Variants in GATAD2A observed in about 807,000 individuals in gnomAD.
The protein encoded by GATAD2A is GATA zinc finger domain containing 2A, also known as transcriptional repressor p66-alpha.
GATAD2A carries 12 observed loss-of-function variants against 68.5 expected under a neutral mutation model. The ratio of observed to expected loss-of-function variants is 0.18; its 90% CI spans 0.11 to 0.28. The LOEUF (loss-of-function observed/expected upper bound fraction) is 0.28, where lower values mean the gene tolerates loss of function less well. GATAD2A is among the 10% of genes least tolerant of loss of function. GATAD2A has a pLI of 1.00. For synonymous variants in GATAD2A, 410 were observed against 375.3 expected (o/e 1.09, Z -1.07); for missense variants, 755 against 868.5 (o/e 0.87, Z 1.64).
intron 1 of GATAD2A, among the ~76,000 whole-genome samples, chr19:19,455,346 C>A (rs1277111582): frequency 6.6e-6 from 1 of 152,032 alleles, no homozygotes; most frequent in Non-Finnish European, 1.5e-5. Flanking sequence ...AAAAGTTAGC[C>A]AGGCGTGGTG....
Position 19,494,352 on chromosome 19 carries a change from A to G in GATAD2A, c.593A>G (p.Gln198Arg). Residue 198 changes from glutamine to arginine, a missense_variant, in exon 5 of 12, where the codon CAG becomes CGG. Physicochemically the swap from Gln to Arg is conservative, Grantham distance 43 (BLOSUM62 1). Transcript: ENST00000683918. ...CCTCCCCCGCTTGTTCGGGGCACTCAGAACATTCCTGCTGGCAAGCCATCA... is the reference window on the plus strand; with the variant it reads ...CCTCCCCCGCTTGTTCGGGGCACTCGGAACATTCCTGCTGGCAAGCCATCA... ...TTPPPLVRGT[Q>R]NIPAGKPSLQ... 1 of 1,612,104 alleles carries G rather than the reference A, an allele frequency of 6.2e-7. No homozygotes were observed.
intron 2 of GATAD2A, among the ~76,000 whole-genome samples, chr19:19,469,442 A>AAAAAAAG (rs1327169230): frequency 1.3e-5 from 2 of 150,396 alleles, no homozygotes; most frequent in Non-Finnish European, 1.5e-5. Context: ...AAAAAAAAAG[A>AAAAAAAG]AAAAAAGATC....
At chr19:19,499,454 G>A (rs1215126511) in intron 8 of GATAD2A, among the ~76,000 whole-genome samples, 1 of 152,200 alleles carries the variant, frequency 6.6e-6, no homozygotes, top group Non-Finnish European at 1.5e-5. Flanking sequence ...CAGGGCAGGG[G>A]CAGGGCCTGG....
chr19:19,492,755 C>T, intron 4 of GATAD2A, 43 bp downstream of exon 4: 1 of 1,605,710 alleles, frequency 6.2e-7, no homozygotes, highest in Non-Finnish European at 8.5e-7. Context: ...GCAGGAGCGC[C>T]TGGCCTTGCC....
At chr19:19,386,850 A>C (rs1010043329) in intron 1 of GATAD2A, among the ~76,000 whole-genome samples, 4 of 151,806 alleles carry the variant, frequency 2.6e-5, no homozygotes, top group Non-Finnish European at 5.9e-5. Context: ...CAACTCTTTG[A>C]GAATTCCCGC....
chr19:19,505,141 A>C (rs2060802073), intron 11 of GATAD2A, among the ~76,000 whole-genome samples: 3 of 152,088 alleles, frequency 2.0e-5, no homozygotes, highest in Admixed American at 1.3e-4. Context: ...TGTCAAGGCC[A>C]TTGAGTTGCT....
At chr19:19,449,205 C>A (rs1020430237) in intron 1 of GATAD2A, among the ~76,000 whole-genome samples, 2 of 152,142 alleles carry the variant, frequency 1.3e-5, no homozygotes, top group African/African-American at 4.8e-5. Flanking sequence ...GGTGGGCACA[C>A]CATGGGAGGG....
At chr19:19,501,517 G>A (rs1346581941) in intron 9 of GATAD2A, 101 bp downstream of exon 9, 4 of 923,402 alleles carry the variant, frequency 4.3e-6, no homozygotes, top group Admixed American at 2.9e-5. Context: ...TTAACTGCAC[G>A]TCTAAATTGC....
chr19:19,478,281 C>G (rs891943440), intron 2 of GATAD2A, among the ~76,000 whole-genome samples: 6 of 152,120 alleles, frequency 3.9e-5, no homozygotes, highest in African/African-American at 1.2e-4. Flanking sequence ...TGGGATATGT[C>G]TGTTGACATT....
Position 19,496,108 on chromosome 19 carries a change from C to T in GATAD2A, c.813C>T (p.Ala271=). The T allele has an allele frequency of 6.2e-7, 1 of 1,613,654 alleles. No individual in the cohort carries two copies. Among genetic ancestry groups the T allele is most frequent in the Non-Finnish European group, 8.5e-7 (1 of 1,179,806 alleles). ...CAGGGCCACCGCCCCTCCTCCTGGC[C>T]CCCCGGGCGTCGGTGCCCAGTGTGC... ...SSTGPPPLLL[A]PRASVPSVQI... Residue 271 remains alanine, a synonymous_variant, in exon 7 of 12, where the codon GCC becomes GCT. Coordinates refer to ENST00000683918, the MANE Select transcript of GATAD2A (RefSeq NM_001384528.1).
chr19:19,387,300 C>G (rs1168839290), intron 1 of GATAD2A, among the ~76,000 whole-genome samples: 18 of 150,446 alleles, frequency 1.2e-4, no homozygotes, highest in Non-Finnish European at 3.0e-5. Context: ...CAGCTGTGGT[C>G]CTACTTTTCT....
At chr19:19,502,583 CCTTAACCGAA>C in intron 11 of GATAD2A, 57 bp downstream of exon 11, 1 of 1,355,710 alleles carries the variant, frequency 7.4e-7, no homozygotes, top group Non-Finnish European at 1.0e-6. Flanking sequence ...GTTCACCCTT[CCTTAACCGAA>C]ACAGAGGCAC....
chr19:19,412,131 CTCTT>C (rs935264323), intron 1 of GATAD2A, among the ~76,000 whole-genome samples: 6 of 150,514 alleles, frequency 4.0e-5, no homozygotes, highest in African/African-American at 1.5e-4. Flanking sequence ...TTTTTTCTCT[CTCTT>C]TTTTTTTAAT....
intron 1 of GATAD2A, among the ~76,000 whole-genome samples, chr19:19,390,307 A>G (rs1442697758): frequency 6.6e-6 from 1 of 152,030 alleles, no homozygotes; most frequent in Non-Finnish European, 1.5e-5. Context: ...GAATGAATGA[A>G]TCCGAGATGA....
chr19:19,456,743 G>C (rs2056974125), intron 1 of GATAD2A, among the ~76,000 whole-genome samples: 1 of 152,162 alleles, frequency 6.6e-6, no homozygotes, highest in Admixed American at 6.5e-5. Flanking sequence ...GGACCTCTTG[G>C]TGTGAGAGGG....
At position 19,501,257 on chromosome 19, in the gene GATAD2A, G is replaced by A. The variant is rs561879323; in HGVS notation, c.1344G>A (p.Lys448=). 1 of 1,613,444 alleles carries A rather than the reference G, an allele frequency of 6.2e-7. No homozygotes were observed. The highest frequency in any genetic ancestry group is 1.7e-5 in the Admixed American group (1 of 60,028). Residue 448 remains lysine (K), a synonymous_variant, in exon 9 of 12, where the codon AAG becomes AAA. Transcript: ENST00000683918. The part of the protein sequence containing the change: ...MCENCMTTNQ[K]KALKVEHTSR... ...AGAACTGCATGACAACCAACCAGAA[G>A]AAGGCGCTCAAGGTGGAGCACACCA... is the stretch of plus-strand genomic sequence containing the variant.
intron 1 of GATAD2A, among the ~76,000 whole-genome samples, chr19:19,452,362 G>A (rs1316207628): frequency 6.6e-6 from 1 of 152,192 alleles, no homozygotes; most frequent in Non-Finnish European, 1.5e-5. Context: ...AGGTTGATGG[G>A]GAGACTGCCC....
intron 1 of GATAD2A, among the ~76,000 whole-genome samples, chr19:19,398,634 A>G (rs1185657332): frequency 3.3e-5 from 5 of 150,376 alleles, no homozygotes; most frequent in Non-Finnish European, 5.9e-5. Context: ...TGCCCGGCCT[A>G]GAACAATTTA....
chr19:19,505,406 C>T lies in GATAD2A; in HGVS notation c.1837C>T (p.Arg613Cys), dbSNP rs776330055. 1.2e-5 allele frequency: 19 copies of T among 1,612,428 alleles called. No individual in the cohort carries two copies. In the African/African-American group the frequency reaches 2.0e-4, roughly 17 times the overall value. Residue 613 changes from arginine to cysteine, a missense_variant, in exon 12 of 12, where the codon CGC becomes TGC. Transcript: ENST00000683918. ...AVHKSSSAVD[R>C]QREYLLDMIP... is the part of the protein sequence containing the mutation. ...GCACAAGAGCTCCTCGGCCGTGGAC[C>T]GCCAGCGAGAGTACCTCCTGGACAT... is the stretch of plus-strand genomic sequence containing the variant.
Sources: gnomAD v4.1 joint callset for allele counts (sites outside exome capture counted in the v4.1 genomes callset) on GRCh38, gnomAD v4.1.1 for gene constraint, MANE v1.5 for transcripts, NCBI Gene and HGNC (gene_info 2026-07-23, HGNC 2026-07-21) for gene names.